Variants in EFNA5 observed in about 807,000 individuals in gnomAD.
EFNA5 encodes ephrin A5, also known as ephrin-A5.
EFNA5 carries 5 observed loss-of-function variants against 22.9 expected under a neutral mutation model. The ratio of observed to expected loss-of-function variants is 0.22; its 90% CI spans 0.11 to 0.46. EFNA5 has a LOEUF of 0.46. Among genes scored for constraint, EFNA5 ranks in the 20% least tolerant of loss-of-function variants. EFNA5 has a pLI of 0.99. For missense variants in EFNA5, 237 were observed against 293.3 expected (o/e 0.81, Z 1.40); for synonymous variants, 113 against 112.2 (o/e 1.01, Z -0.04).
chr5:107,427,960 T>G (rs549816536), intron 1 of EFNA5, among the ~76,000 whole-genome samples: 155 of 152,302 alleles, frequency 1.0e-3, no homozygotes, highest in African/African-American at 3.6e-3. Flanking sequence ...AATGACCGAA[T>G]TGTTTTTTGT....
At chr5:107,424,422 T>C (rs1225870559) in intron 2 of EFNA5, among the ~76,000 whole-genome samples, 1 of 151,322 alleles carries the variant, frequency 6.6e-6, no homozygotes, top group African/African-American at 2.4e-5. Context: ...TTCACTCTCT[T>C]GGCCAGGCTG....
chr5:107,591,854 A>ATAAT (rs1396116007), intron 1 of EFNA5, among the ~76,000 whole-genome samples: 2 of 78,530 alleles, frequency 2.5e-5, no homozygotes, highest in African/African-American at 1.1e-4. Context: ...AAATATATAT[A>ATAAT]ATATAAAAAA....
At chr5:107,617,056 AC>A (rs888291061) in intron 1 of EFNA5, among the ~76,000 whole-genome samples, 13 of 152,114 alleles carry the variant, frequency 8.5e-5, no homozygotes, top group Non-Finnish European at 1.8e-4. Context: ...ATCACCAAGA[AC>A]CAAATCTAAA....
chr5:107,451,587 C>T lies in EFNA5; in HGVS notation c.126-24078G>A, dbSNP rs898305091. Among the ~76,000 whole-genome samples, 6 of 151,644 alleles carry T rather than the reference C, an allele frequency of 4.0e-5. No homozygotes were observed. The East Asian group carries it at 5.8e-4, about 15-fold the overall frequency. ...AGACAGATAATCTATAAAGAGAAAACGATGGTGAATAGATGAATGAATGAA... is the reference window on the plus strand; with the variant it reads ...AGACAGATAATCTATAAAGAGAAAATGATGGTGAATAGATGAATGAATGAA... On this transcript the variant is annotated intron_variant, in intron 1 of 4. Coordinates refer to ENST00000333274, the MANE Select transcript of EFNA5 (RefSeq NM_001962.3).
chr5:107,401,989 A>T (rs1314206759), intron 2 of EFNA5, among the ~76,000 whole-genome samples: 2 of 152,186 alleles, frequency 1.3e-5, no homozygotes, highest in East Asian at 3.8e-4. Context: ...CTTTCTGTGC[A>T]CTGCTGTGAG....
In EFNA5 at chr5:107,490,216, ACCAGTG is replaced by A. The variant is rs1160779699; in HGVS notation, c.126-62713_126-62708del. ...CTCACTAGACTCAGAGAAGTTGGTAACCAGTGCATAGTGAACTTGCTTCACACTATG... is the reference window on the plus strand; with the variant it reads ...CTCACTAGACTCAGAGAAGTTGGTAACATAGTGAACTTGCTTCACACTATG... On this transcript the variant is annotated intron_variant, in intron 1 of 4. Transcript: ENST00000333274. Among the ~76,000 whole-genome samples the A allele has an allele frequency of 3.3e-5, 5 of 150,326 alleles. No individual in the cohort carries two copies. In the East Asian group the frequency reaches 9.6e-4, roughly 29 times the overall value.
intron 1 of EFNA5, among the ~76,000 whole-genome samples, chr5:107,480,271 A>T (rs2112397855): frequency 6.6e-6 from 1 of 152,378 alleles, no homozygotes; most frequent in South Asian, 2.1e-4. Flanking sequence ...TTGCTAAAAC[A>T]GTATACACTT....
At chr5:107,596,895 A>G (rs1398312727) in intron 1 of EFNA5, among the ~76,000 whole-genome samples, 1 of 152,186 alleles carries the variant, frequency 6.6e-6, no homozygotes, top group Non-Finnish European at 1.5e-5. Flanking sequence ...ACTTCACTAG[A>G]CAAAACAGAA....
At chr5:107,538,805 T>C (rs960795705) in intron 1 of EFNA5, among the ~76,000 whole-genome samples, 3 of 152,240 alleles carry the variant, frequency 2.0e-5, no homozygotes, top group African/African-American at 4.8e-5. Flanking sequence ...GCTGCAATGA[T>C]GTCATGTGAA....
At chr5:107,440,232 C>G (rs944345896) in intron 1 of EFNA5, among the ~76,000 whole-genome samples, 1 of 152,156 alleles carries the variant, frequency 6.6e-6, no homozygotes. Flanking sequence ...AAACAATTCA[C>G]CATTTATTTC....
At chr5:107,518,272 GAAAAAAA>G (rs60332450) in intron 1 of EFNA5, among the ~76,000 whole-genome samples, 1 of 132,370 alleles carries the variant, frequency 7.6e-6, no homozygotes, top group East Asian at 2.2e-4. Flanking sequence ...GCCCCACTCG[GAAAAAAA>G]AAAAAAAAAG....
At chr5:107,662,236 T>C (rs1266566759) in intron 1 of EFNA5, among the ~76,000 whole-genome samples, 1 of 152,186 alleles carries the variant, frequency 6.6e-6, no homozygotes, top group Non-Finnish European at 1.5e-5. Flanking sequence ...GTATCTGTTA[T>C]TAAAACATGC....
chr5:107,436,396 C>G (rs145987946), intron 1 of EFNA5, among the ~76,000 whole-genome samples: 2 of 152,130 alleles, frequency 1.3e-5, no homozygotes, highest in African/African-American at 4.8e-5. Context: ...AGTGTGTCAA[C>G]GTCAACAGGG....
At chr5:107,401,070 C>T (rs1234504392) in intron 2 of EFNA5, among the ~76,000 whole-genome samples, 2 of 152,110 alleles carry the variant, frequency 1.3e-5, no homozygotes, top group African/African-American at 4.8e-5. Context: ...TATGAAAAGC[C>T]TGCAGAATGG....
chr5:107,517,486 A>T (rs1384145479), intron 1 of EFNA5, among the ~76,000 whole-genome samples: 1 of 152,206 alleles, frequency 6.6e-6, no homozygotes, highest in African/African-American at 2.4e-5. Flanking sequence ...TACTGACCTC[A>T]TACGGTTGTT....
At chr5:107,622,882 G>A (rs964274022) in intron 1 of EFNA5, among the ~76,000 whole-genome samples, 1 of 151,008 alleles carries the variant, frequency 6.6e-6, no homozygotes, top group Non-Finnish European at 1.5e-5. Context: ...TTAGCCGGGC[G>A]CGGTGGCGGG....
At chr5:107,408,053 C>A in intron 2 of EFNA5, among the ~76,000 whole-genome samples, 1 of 152,246 alleles carries the variant, frequency 6.6e-6, no homozygotes, top group Middle Eastern at 3.4e-3. Context: ...AGTAATGGAA[C>A]TGTTATTTCT....
chr5:107,637,773 T>C lies in EFNA5; in HGVS notation c.125+32716A>G, dbSNP rs1750410281. On this transcript the variant is annotated intron_variant, in intron 1 of 4. Transcript: ENST00000333274. ...ATATATAATCACATATGTAATAATA[T>C]ATATAATCAGTTTAAATTCAAAAGC... Among the ~76,000 whole-genome samples the C allele has an allele frequency of 8.0e-5, 12 of 149,164 alleles. No homozygotes were observed. The Admixed American group carries it at 8.1e-4, about 10-fold the overall frequency.
chr5:107,420,747 T>C (rs2112413724), intron 2 of EFNA5, among the ~76,000 whole-genome samples: 1 of 152,276 alleles, frequency 6.6e-6, no homozygotes, highest in Admixed American at 6.5e-5. Flanking sequence ...TAATTGGTTT[T>C]TTGCCATATG....
Sources: gnomAD v4.1 joint callset for allele counts (sites outside exome capture counted in the v4.1 genomes callset) on GRCh38, gnomAD v4.1.1 for gene constraint, MANE v1.5 for transcripts, NCBI Gene and HGNC (gene_info 2026-07-23, HGNC 2026-07-21) for gene names.